The following HEATR4 variants were observed in gnomAD, a reference collection of about 807,000 sequenced individuals.
HEATR4 encodes the protein HEAT repeat-containing protein 4.
Under a neutral mutation model 108.8 loss-of-function variants are expected in HEATR4, and 95 were observed. That is an observed-to-expected ratio of 0.87 (90% confidence interval 0.74 to 1.04). The LOEUF is 1.04. Ranked by LOEUF, HEATR4 falls within the 50% of genes least tolerant of loss-of-function variation. The probability of loss-of-function intolerance (pLI) is 0.00; values close to 1 mark genes in which losing one functional copy is unlikely to be tolerated. For synonymous variants in HEATR4, 443 were observed against 459.4 expected (o/e 0.96, Z 0.46); for missense variants, 1,152 against 1,253.8 (o/e 0.92, Z 1.23).
chr14:73,526,901 T>A (rs58034264), intron 2 of HEATR4, among the ~76,000 whole-genome samples: 3,707 of 151,934 alleles, frequency 0.024, 166 homozygotes, highest in African/African-American at 0.085. Flanking sequence ...GGAGTGCTCA[T>A]GTCACCCTTC....
At chr14:73,582,441 A>C in the HEATR4 span, 5 of 148,624 alleles carry the variant, frequency 3.4e-5, 2 homozygotes, top group African/African-American at 1.3e-4. Context: ...CCGTGTTCTC[A>C]GGATGCAGCG....
chr14:73,485,231 A>T (rs949058050), intron 17 of HEATR4, among the ~76,000 whole-genome samples: 3 of 152,138 alleles, frequency 2.0e-5, no homozygotes, highest in African/African-American at 4.8e-5. Flanking sequence ...GCATTTTTTA[A>T]GCAAAAAATG....
At chr14:73,500,824 C>T in intron 11 of HEATR4, 94 bp from the exon 12 acceptor site, 1 of 1,171,380 alleles carries the variant, frequency 8.5e-7, no homozygotes, top group Non-Finnish European at 1.2e-6. Flanking sequence ...AATCCGGGTT[C>T]TGTAGGCTGT....
Position 73,478,561 on chromosome 14 carries a change from C to T in HEATR4, c.*45G>A, listed in dbSNP as rs200408826. On this transcript the variant is annotated 3_prime_UTR_variant, in exon 18 of 18. Transcript: ENST00000553558. The stretch of plus-strand genomic sequence containing the variant: ...ATCAATTAAAAAGACCCAATGTGAC[C>T]AGGTCCACTGCTTCCTGCATCTTGA... 2 of 1,283,096 alleles carry T rather than the reference C, an allele frequency of 1.6e-6. No individual in the cohort carries two copies. Among genetic ancestry groups the T allele is most frequent in the East Asian group, 2.3e-5 (1 of 43,312 alleles). 79.5% of individuals were successfully genotyped at this position (1,283,096 alleles called of 1,614,324 possible).
chr14:73,529,646 T>C (rs2097971), intron 2 of HEATR4, among the ~76,000 whole-genome samples: 1,662 of 140,658 alleles, frequency 0.012, 5 homozygotes, highest in Middle Eastern at 0.023. Flanking sequence ...AATTTAGTTC[T>C]ACTTTTCTGT....
the HEATR4 span, among the ~76,000 whole-genome samples, chr14:73,606,017 G>C: frequency 6.6e-6 from 1 of 152,100 alleles, no homozygotes; most frequent in African/African-American, 2.4e-5. Context: ...CCTAGGAACT[G>C]ACTCAGTGCA....
the HEATR4 span, among the ~76,000 whole-genome samples, chr14:73,597,070 T>TTTTATTTATTTATTTATTTATTTA: frequency 2.6e-4 from 38 of 148,910 alleles, no homozygotes; most frequent in African/African-American, 9.4e-4. Context: ...GGTAATTTTA[T>TTTTATTTATTTATTTATTTATTTA]TTTATTTATT....
chr14:73,516,833 A>T (rs1887631637), intron 5 of HEATR4, among the ~76,000 whole-genome samples: 1 of 152,202 alleles, frequency 6.6e-6, no homozygotes, highest in Non-Finnish European at 1.5e-5. Context: ...CGCACCCTTT[A>T]TGATAATCTA....
intron 17 of HEATR4, among the ~76,000 whole-genome samples, chr14:73,488,997 T>C (rs115783934): frequency 0.011 from 1,711 of 151,728 alleles, 37 homozygotes; most frequent in African/African-American, 0.039. Context: ...AACACAGAGG[T>C]TGGGGTAACA....
chr14:73,582,480 G>A, the HEATR4 span: 1 of 151,440 alleles, frequency 6.6e-6, no homozygotes, highest in East Asian at 1.9e-4. Context: ...TCAACACAGT[G>A]AGCCTCAGCA....
At chr14:73,577,856 AT>A in the HEATR4 span, among the ~76,000 whole-genome samples, 10,293 of 146,362 alleles carry the variant, frequency 0.07, 517 homozygotes, top group African/African-American at 0.12. Flanking sequence ...TATAAAAACA[AT>A]TTTTTTTTTT....
intron 1 of HEATR4, chr14:73,531,110 C>A (rs1357567424): frequency 9.0e-6 from 1 of 111,652 alleles, no homozygotes; most frequent in Non-Finnish European, 1.9e-5. Context: ...CATCCAGCAC[C>A]TTTCAGATAC....
the HEATR4 span, among the ~76,000 whole-genome samples, chr14:73,602,001 T>A: frequency 6.6e-6 from 1 of 151,580 alleles, no homozygotes; most frequent in East Asian, 1.9e-4. Flanking sequence ...AGTGCAGTGG[T>A]GTAATCTCGG....
At chr14:73,619,904 C>A in the HEATR4 span, 457 of 1,305,472 alleles carry the variant, frequency 3.5e-4, no homozygotes, top group Non-Finnish European at 4.3e-4. Flanking sequence ...GTTGGGTTTT[C>A]TTTCTTTCTT....
intron 17 of HEATR4, among the ~76,000 whole-genome samples, chr14:73,479,555 C>T (rs1342065718): frequency 6.6e-6 from 1 of 151,802 alleles, no homozygotes; most frequent in African/African-American, 2.4e-5. Context: ...TCTCCTGCCT[C>T]AGCCTCCCAA....
intron 17 of HEATR4, among the ~76,000 whole-genome samples, chr14:73,482,447 A>C (rs926971479): frequency 7.2e-5 from 11 of 152,138 alleles, no homozygotes; most frequent in Non-Finnish European, 1.5e-4. Context: ...ACTTGAACCC[A>C]GAAGGCGGAG....
chr14:73,493,654 A>G (rs1885934621), intron 16 of HEATR4, among the ~76,000 whole-genome samples: 1 of 152,142 alleles, frequency 6.6e-6, no homozygotes. Context: ...CCTGGCCAAC[A>G]TGGCAAAACC....
At chr14:73,614,772 T>C in the HEATR4 span, among the ~76,000 whole-genome samples, 2 of 142,048 alleles carry the variant, frequency 1.4e-5, no homozygotes, top group East Asian at 2.1e-4. Context: ...AAAATCACAC[T>C]GACTAAGAAT....
intron 13 of HEATR4, 33 bp from the exon 14 acceptor site, chr14:73,498,377 G>A: frequency 3.9e-6 from 6 of 1,536,802 alleles, no homozygotes; most frequent in Non-Finnish European, 5.3e-6. Context: ...TGTCACTGAA[G>A]ACTGAGCTTA....
Sources: allele counts gnomAD v4.1 joint callset (sites outside exome capture counted in the v4.1 genomes callset), GRCh38; gene constraint gnomAD v4.1.1; transcripts MANE v1.5; gene names NCBI Gene and HGNC (gene_info 2026-07-23, HGNC 2026-07-21).